Variants in SYT1 observed in about 807,000 individuals in gnomAD.
SYT1 encodes synaptotagmin-1.
A neutral mutation model predicts 44.8 loss-of-function variants in SYT1; 8 were observed. The observed-to-expected ratio is 0.18, with a 90% CI of 0.10 to 0.32. The LOEUF is 0.32. Among genes scored for constraint, SYT1 ranks in the 10% least tolerant of loss-of-function variants. The pLI is 1.00. For synonymous variants in SYT1, 154 were observed against 188.8 expected (o/e 0.82, Z 1.51); for missense variants, 286 against 509.3 (o/e 0.56, Z 4.22).
intron 4 of SYT1, among the ~76,000 whole-genome samples, chr12:79,272,489 G>A (rs748895901): frequency 6.6e-6 from 1 of 152,182 alleles, no homozygotes; most frequent in Non-Finnish European, 1.5e-5. Context: ...GGATTTGGGA[G>A]TATGTATTTC....
At chr12:79,160,772 T>C (rs1357711613) in intron 3 of SYT1, among the ~76,000 whole-genome samples, 3 of 152,024 alleles carry the variant, frequency 2.0e-5, no homozygotes, top group African/African-American at 4.8e-5. Context: ...CTATTCATAG[T>C]GAGAATTGGT....
intron 1 of SYT1, among the ~76,000 whole-genome samples, chr12:78,888,074 A>T (rs926189483): frequency 6.6e-6 from 1 of 151,944 alleles, no homozygotes; most frequent in Non-Finnish European, 1.5e-5. Flanking sequence ...AAGATGTGTC[A>T]TTGGTAATAG....
At chr12:79,111,620 G>A (rs898849074) in intron 3 of SYT1, among the ~76,000 whole-genome samples, 6 of 151,830 alleles carry the variant, frequency 4.0e-5, no homozygotes, top group East Asian at 1.9e-4. Flanking sequence ...AGTTTGCAAC[G>A]CATTTTCTTA....
At chr12:78,978,162 G>A (rs1243811257) in intron 2 of SYT1, among the ~76,000 whole-genome samples, 2 of 152,102 alleles carry the variant, frequency 1.3e-5, no homozygotes, top group Admixed American at 6.6e-5. Context: ...TGCTGTTTTC[G>A]TTGGTGGGGC....
At chr12:79,053,539 A>G (rs1356121732) in intron 3 of SYT1, among the ~76,000 whole-genome samples, 2 of 149,668 alleles carry the variant, frequency 1.3e-5, no homozygotes, top group South Asian at 2.1e-4. Context: ...TCTTATATAT[A>G]TTATATAAAT....
intron 4 of SYT1, among the ~76,000 whole-genome samples, chr12:79,279,833 T>C (rs1878948602): frequency 6.6e-6 from 1 of 152,128 alleles, no homozygotes. Context: ...TCAGTACCAC[T>C]GCTATATGCC....
intron 8 of SYT1, among the ~76,000 whole-genome samples, chr12:79,322,740 G>A (rs753087648): frequency 2.6e-5 from 4 of 152,076 alleles, no homozygotes; most frequent in Non-Finnish European, 5.9e-5. Context: ...GAGTGAGAGA[G>A]CGCAGTGATG....
At position 79,451,143 on chromosome 12, in the gene SYT1, C is replaced by T. The variant is rs1031531536; in HGVS notation, c.*2019C>T. On this transcript the variant is annotated 3_prime_UTR_variant, in exon 11 of 11. Transcript: ENST00000261205. ...AGTAAAACTGGAATTCCTGTCGTTA[C>T]TGTTTCCTTATCAAAGAAGGGGCAA... 1 of 152,234 alleles carries T rather than the reference C, an allele frequency of 6.6e-6. No individual in the cohort carries two copies. The highest frequency in any genetic ancestry group is 1.5e-5 in the Non-Finnish European group (1 of 68,048). The allele number at this position is 152,234 out of a possible 1,614,324, so 9.4% of individuals were successfully genotyped here.
At chr12:79,009,203 T>C (rs372567160) in intron 2 of SYT1, among the ~76,000 whole-genome samples, 1 of 152,208 alleles carries the variant, frequency 6.6e-6, no homozygotes, top group Non-Finnish European at 1.5e-5. Context: ...GTACTTTCTA[T>C]GAGAAAAAAG....
chr12:79,242,152 G>T (rs1876552889), intron 4 of SYT1, among the ~76,000 whole-genome samples: 1 of 152,160 alleles, frequency 6.6e-6, no homozygotes, highest in African/African-American at 2.4e-5. Context: ...GTGGTCATTT[G>T]TTACAGCAGT....
At chr12:79,103,017 C>G (rs1283484366) in intron 3 of SYT1, 1 of 152,158 alleles carries the variant, frequency 6.6e-6, no homozygotes. Flanking sequence ...TTTACAGATA[C>G]AGAAACTGAG....
intron 2 of SYT1, among the ~76,000 whole-genome samples, chr12:79,036,090 A>T (rs750637833): frequency 2.0e-5 from 3 of 151,678 alleles, no homozygotes; most frequent in Non-Finnish European, 2.9e-5. Flanking sequence ...GCTCATCTCC[A>T]TTCATTGATG....
At chr12:79,151,233 C>A (rs1347519433) in intron 3 of SYT1, among the ~76,000 whole-genome samples, 1 of 152,164 alleles carries the variant, frequency 6.6e-6, no homozygotes, top group Non-Finnish European at 1.5e-5. Flanking sequence ...AACTTCCATT[C>A]CTGCTTGGCA....
intron 3 of SYT1, among the ~76,000 whole-genome samples, chr12:79,082,108 G>C (rs1430070011): frequency 6.6e-6 from 1 of 152,168 alleles, no homozygotes; most frequent in Non-Finnish European, 1.5e-5. Context: ...TGAAAGGCTT[G>C]TGTGAATTCA....
At chr12:79,160,745 G>A (rs974079199) in intron 3 of SYT1, among the ~76,000 whole-genome samples, 5 of 152,082 alleles carry the variant, frequency 3.3e-5, no homozygotes, top group African/African-American at 1.2e-4. Flanking sequence ...ATCTAGAGAT[G>A]TAAATTTGCA....
At position 79,031,821 on chromosome 12, in the gene SYT1, A is replaced by T. The variant is rs567195706; in HGVS notation, c.-83-15476A>T. 1.6e-3 allele frequency among the ~76,000 whole-genome samples: 249 copies of T among 151,258 alleles called. 1 individual carries two copies. Among genetic ancestry groups the T allele is most frequent in the African/African-American group, 5.8e-3 (241 of 41,444 alleles). On this transcript the variant is annotated intron_variant, in intron 2 of 10. Coordinates refer to ENST00000261205, the MANE Select transcript of SYT1 (RefSeq NM_005639.3). Reference sequence around the variant, plus strand: ...TAATCATGGGAAATGTCTAGAATATATGCCCACATATGGCAAAGTATCTCC... The same window carrying T: ...TAATCATGGGAAATGTCTAGAATATTTGCCCACATATGGCAAAGTATCTCC...
Position 79,253,516 on chromosome 12 carries a change from TC to T in SYT1, c.167-32270del, listed in dbSNP as rs1255273140. ...CTCTCTCTCTCTCTCTCTCTCTCTC[TC>T]TCTCTCTCACCTCAGAAAGCTTCCC... On this transcript the variant is annotated intron_variant, in intron 4 of 10. Coordinates refer to ENST00000261205, the MANE Select transcript of SYT1 (RefSeq NM_005639.3). 2.2e-4 allele frequency among the ~76,000 whole-genome samples: 33 copies of T among 150,920 alleles called. 1 individual carries two copies. The highest frequency in any genetic ancestry group is 2.7e-4 in the Non-Finnish European group (18 of 67,726).
chr12:79,045,012 T>A (rs1873906002), intron 2 of SYT1, among the ~76,000 whole-genome samples: 1 of 152,164 alleles, frequency 6.6e-6, no homozygotes, highest in Non-Finnish European at 1.5e-5. Flanking sequence ...GGAGAACCAC[T>A]GCTCTCTTCA....
At chr12:79,445,297 ATTTG>A (rs772456248) in intron 10 of SYT1, among the ~76,000 whole-genome samples, 17 of 152,034 alleles carry the variant, frequency 1.1e-4, no homozygotes, top group Non-Finnish European at 1.8e-4. Flanking sequence ...AACATTTATC[ATTTG>A]TTTGTCTTGG....
Sources: allele counts gnomAD v4.1 joint callset (sites outside exome capture counted in the v4.1 genomes callset), GRCh38; gene constraint gnomAD v4.1.1; transcripts MANE v1.5; gene names NCBI Gene and HGNC (gene_info 2026-07-23, HGNC 2026-07-21).